Variants in NRXN3 observed in about 807,000 individuals in gnomAD.
The protein encoded by NRXN3 is neurexin III.
In NRXN3, 32 loss-of-function variants were observed where a neutral mutation model predicts 137.6. The ratio of observed to expected loss-of-function variants is 0.23; its 90% CI spans 0.18 to 0.31. The LOEUF (loss-of-function observed/expected upper bound fraction) is 0.31, where lower values mean the gene tolerates loss of function less well. NRXN3 is among the 10% of genes least tolerant of loss of function. NRXN3 has a pLI of 1.00. For missense variants in NRXN3, 1,574 were observed against 2,062.5 expected (o/e 0.76, Z 4.59); for synonymous variants, 798 against 784.5 (o/e 1.02, Z -0.29).
intron 10 of NRXN3, among the ~76,000 whole-genome samples, chr14:78,829,862 CAGCTCAG>C (rs1315165234): frequency 1.3e-4 from 20 of 152,212 alleles, no homozygotes; most frequent in Non-Finnish European, 2.2e-4. Flanking sequence ...GAATCAAGTT[CAGCTCAG>C]GGAAGTTAAT....
intron 6 of NRXN3, chr14:78,703,932 A>C (rs1390665931): frequency 1.3e-5 from 2 of 152,268 alleles, no homozygotes; most frequent in East Asian, 1.9e-4. Context: ...TAGTGCCAAG[A>C]AGCCATCTGG....
intron 4 of NRXN3, among the ~76,000 whole-genome samples, chr14:78,389,587 G>A (rs1380240061): frequency 6.6e-6 from 1 of 152,052 alleles, no homozygotes; most frequent in Non-Finnish European, 1.5e-5. Flanking sequence ...TTTCTATCAA[G>A]TATTTAAGTT....
chr14:79,746,054 C>A (rs1236356744), intron 19 of NRXN3, among the ~76,000 whole-genome samples: 1 of 152,120 alleles, frequency 6.6e-6, no homozygotes, highest in African/African-American at 2.4e-5. Flanking sequence ...AGAACTTCAA[C>A]ATATGTATTT....
At chr14:79,362,519 G>C (rs117732035) in intron 15 of NRXN3, among the ~76,000 whole-genome samples, 301 of 152,040 alleles carry the variant, frequency 2.0e-3, no homozygotes, top group Non-Finnish European at 3.5e-3. Flanking sequence ...AATTCTGCAG[G>C]AAAAAAACTG....
chr14:78,369,752 G>T (rs905915775), intron 4 of NRXN3, among the ~76,000 whole-genome samples: 1 of 152,054 alleles, frequency 6.6e-6, no homozygotes, highest in Non-Finnish European at 1.5e-5. Flanking sequence ...AGAGAAGAGG[G>T]TCTCACTTTG....
intron 15 of NRXN3, among the ~76,000 whole-genome samples, chr14:79,448,328 C>G (rs762356944): frequency 1.3e-5 from 2 of 152,184 alleles, no homozygotes; most frequent in Non-Finnish European, 2.9e-5. Flanking sequence ...AGCCCTCCCC[C>G]ATCATGACTA....
chr14:79,658,847 C>T (rs764630156), intron 16 of NRXN3, among the ~76,000 whole-genome samples: 4 of 152,176 alleles, frequency 2.6e-5, no homozygotes, highest in Non-Finnish European at 5.9e-5. Flanking sequence ...CCCTGGCATA[C>T]ATTTGAAAAT....
intron 4 of NRXN3, among the ~76,000 whole-genome samples, chr14:78,548,521 A>G (rs2152161442): frequency 6.6e-6 from 1 of 152,344 alleles, no homozygotes; most frequent in East Asian, 1.9e-4. Flanking sequence ...CACATACTGT[A>G]TGTAACTGCA....
chr14:79,777,483 A>AT (rs1407755878), intron 19 of NRXN3, among the ~76,000 whole-genome samples: 1 of 152,012 alleles, frequency 6.6e-6, no homozygotes, highest in Non-Finnish European at 1.5e-5. Context: ...TTCTAAAAAA[A>AT]AAAAAAGGTT....
intron 15 of NRXN3, among the ~76,000 whole-genome samples, chr14:79,362,337 C>T (rs1459906444): frequency 1.4e-5 from 2 of 144,206 alleles, no homozygotes; most frequent in Non-Finnish European, 3.0e-5. Flanking sequence ...GTAAGAAATA[C>T]AATAAACAAA....
intron 10 of NRXN3, among the ~76,000 whole-genome samples, chr14:78,912,714 C>T (rs1206544794): frequency 6.6e-6 from 1 of 152,142 alleles, no homozygotes; most frequent in Non-Finnish European, 1.5e-5. Flanking sequence ...ATGTGGGCAG[C>T]AGACCATTCA....
chr14:79,433,395 G>C (rs1195672188), intron 15 of NRXN3, among the ~76,000 whole-genome samples: 1 of 152,054 alleles, frequency 6.6e-6, no homozygotes, highest in Non-Finnish European at 1.5e-5. Context: ...AGCCTAAGTG[G>C]GTGTCCAGAG....
At chr14:79,770,121 A>C (rs1440801185) in intron 19 of NRXN3, among the ~76,000 whole-genome samples, 2 of 151,694 alleles carry the variant, frequency 1.3e-5, no homozygotes, top group African/African-American at 4.8e-5. Flanking sequence ...CAGATTCATA[A>C]AGCAAGTCCT....
intron 4 of NRXN3, among the ~76,000 whole-genome samples, chr14:78,508,365 C>T (rs1378584625): frequency 1.3e-5 from 2 of 152,190 alleles, no homozygotes; most frequent in Non-Finnish European, 2.9e-5. Flanking sequence ...TCACCAGTGT[C>T]CCACAAGGGT....
At chr14:79,390,942 G>C (rs1337777749) in intron 15 of NRXN3, among the ~76,000 whole-genome samples, 2 of 152,102 alleles carry the variant, frequency 1.3e-5, no homozygotes, top group Non-Finnish European at 2.9e-5. Flanking sequence ...CTAAAAGGAA[G>C]TTCAGCCCCC....
At chr14:79,825,206 CTTTTTT>C (rs11449914) in intron 20 of NRXN3, among the ~76,000 whole-genome samples, 2 of 117,820 alleles carry the variant, frequency 1.7e-5, no homozygotes, top group African/African-American at 6.5e-5. Context: ...TCTTTGTGTG[CTTTTTT>C]TTTTTTTTTT....
At chr14:79,539,885 A>T (rs557605420) in intron 16 of NRXN3, among the ~76,000 whole-genome samples, 1 of 152,188 alleles carries the variant, frequency 6.6e-6, no homozygotes, top group East Asian at 1.9e-4. Context: ...TCTGGTGCCT[A>T]CCTGAGATCC....
At chr14:79,340,904 T>C (rs1017737861) in intron 15 of NRXN3, among the ~76,000 whole-genome samples, 2 of 152,232 alleles carry the variant, frequency 1.3e-5, no homozygotes, top group Admixed American at 6.5e-5. Flanking sequence ...TAAGCCTCTT[T>C]CTTTTAGTAT....
In NRXN3 at chr14:78,309,333, G is replaced by A. The variant is rs540164861; in HGVS notation, c.757+11473G>A. Among the ~76,000 whole-genome samples the A allele has an allele frequency of 1.1e-4, 16 of 151,772 alleles. No individual in the cohort carries two copies. In the South Asian group the frequency reaches 3.3e-3, roughly 32 times the overall value. On this transcript the variant is annotated intron_variant, in intron 4 of 20. Coordinates refer to ENST00000335750, the MANE Select transcript of NRXN3 (RefSeq NM_001330195.2). ...TTTTCTTTAGGTTTGGGATATATGTGCAGATTTGTTATACAGGTAAATTGT... is the reference window on the plus strand; with the variant it reads ...TTTTCTTTAGGTTTGGGATATATGTACAGATTTGTTATACAGGTAAATTGT...
Sources: allele counts gnomAD v4.1 joint callset (sites outside exome capture counted in the v4.1 genomes callset), GRCh38; gene constraint gnomAD v4.1.1; transcripts MANE v1.5; gene names NCBI Gene and HGNC (gene_info 2026-07-23, HGNC 2026-07-21).